Variants in TMC1 observed in about 807,000 individuals in gnomAD.
TMC1 encodes transmembrane channel-like protein 1.
In TMC1, 84 loss-of-function variants were observed where a neutral mutation model predicts 105.8. That is an observed-to-expected ratio of 0.79 (90% confidence interval 0.67 to 0.95). The LOEUF is 0.95. TMC1 is among the 40% of genes least tolerant of loss of function. TMC1 has a pLI of 0.00. For missense variants in TMC1, 817 were observed against 914.1 expected, an observed-to-expected ratio of 0.89 and a Z score of 1.37; for synonymous variants, 315 against 311.5, an observed-to-expected ratio of 1.01 and a Z score of -0.12.
intron 2 of TMC1, among the ~76,000 whole-genome samples, chr9:72,608,300 G>T (rs1241139467): frequency 6.6e-6 from 1 of 152,168 alleles, no homozygotes; most frequent in Non-Finnish European, 1.5e-5. Flanking sequence ...ATATGAAACG[G>T]CTGCTTGGAT....
At chr9:72,745,369 A>C (rs577373822) in intron 10 of TMC1, among the ~76,000 whole-genome samples, 1 of 152,178 alleles carries the variant, frequency 6.6e-6, no homozygotes, top group Admixed American at 6.5e-5. Context: ...TTTCTCCTTT[A>C]GGGAAGGTTT....
rs1425300399 is a variant in TMC1, at chr9:72,791,891, CA to C, written c.1231del (p.Met411TrpfsTer6). ...LGWWEKNEMN[M>X]VMSLLGMFCP... ...TCCCTTGTGCCTCCTTGTAGATGAA[CA>C]TGGTTATGTCCCTCCTAGGGATGTT... On this transcript the variant is annotated frameshift_variant, in exon 16 of 24. Transcript: ENST00000297784. LOFTEE classifies it high-confidence loss of function. The C allele has an allele frequency of 6.2e-7, 1 of 1,612,058 alleles. No individual in the cohort carries two copies. Among genetic ancestry groups the C allele is most frequent in the African/African-American group, 1.3e-5 (1 of 74,894 alleles).
At chr9:72,792,091 T>A in intron 16 of TMC1, 26 bp downstream of exon 16, 1 of 1,613,944 alleles carries the variant, frequency 6.2e-7, no homozygotes, top group South Asian at 1.1e-5. Flanking sequence ...GGATTGTCCT[T>A]GCCATAAGAG....
chr9:72,572,251 C>A (rs909497271), intron 1 of TMC1, among the ~76,000 whole-genome samples: 1 of 151,676 alleles, frequency 6.6e-6, no homozygotes, highest in Non-Finnish European at 1.5e-5. Context: ...GGCTGGAGTG[C>A]AGTGGCGTGA....
chr9:72,756,067 T>A (rs533882937), intron 12 of TMC1, among the ~76,000 whole-genome samples: 1 of 152,166 alleles, frequency 6.6e-6, no homozygotes, highest in Non-Finnish European at 1.5e-5. Flanking sequence ...CATCTCCGAA[T>A]GAACAAAGCA....
chr9:72,733,601 C>T (rs182132455), intron 8 of TMC1, among the ~76,000 whole-genome samples: 124 of 152,200 alleles, frequency 8.1e-4, no homozygotes, highest in Non-Finnish European at 5.0e-4. Context: ...CAAGGCTCCC[C>T]GTGGATTCCT....
At chr9:72,650,899 T>G (rs1467038794) in intron 5 of TMC1, among the ~76,000 whole-genome samples, 1 of 142,920 alleles carries the variant, frequency 7.0e-6, no homozygotes, top group Non-Finnish European at 1.5e-5. Flanking sequence ...TAGATATATA[T>G]ATAAATATAT....
At chr9:72,703,221 G>A (rs1826675719) in intron 8 of TMC1, among the ~76,000 whole-genome samples, 1 of 151,840 alleles carries the variant, frequency 6.6e-6, no homozygotes, top group African/African-American at 2.4e-5. Context: ...CAATCTCCTG[G>A]GAGCAAGGGA....
chr9:72,649,905 T>G (rs1291584218), intron 5 of TMC1, among the ~76,000 whole-genome samples: 2 of 152,236 alleles, frequency 1.3e-5, no homozygotes, highest in African/African-American at 2.4e-5. Context: ...ATAAATCTGC[T>G]CAGGCTATCT....
chr9:72,656,796 C>G (rs532774935), intron 5 of TMC1, among the ~76,000 whole-genome samples: 1 of 152,072 alleles, frequency 6.6e-6, no homozygotes, highest in Non-Finnish European at 1.5e-5. Flanking sequence ...TTCCCCCCTC[C>G]GGGATGCAGA....
intron 12 of TMC1, among the ~76,000 whole-genome samples, chr9:72,766,249 C>T (rs990914839): frequency 1.3e-5 from 2 of 151,692 alleles, no homozygotes; most frequent in African/African-American, 2.4e-5. Context: ...AACCCCGTCT[C>T]TACTAAAAAT....
At chr9:72,672,380 A>G (rs1360159989) in intron 5 of TMC1, among the ~76,000 whole-genome samples, 2 of 152,076 alleles carry the variant, frequency 1.3e-5, no homozygotes, top group Non-Finnish European at 2.9e-5. Flanking sequence ...AATTAATTCA[A>G]TCTGCAAAAA....
intron 12 of TMC1, among the ~76,000 whole-genome samples, chr9:72,758,660 A>C (rs1827708592): frequency 6.6e-6 from 1 of 152,218 alleles, no homozygotes; most frequent in South Asian, 2.1e-4. Flanking sequence ...GAGATGTCCT[A>C]GAATTGGACA....
intron 1 of TMC1, among the ~76,000 whole-genome samples, chr9:72,535,260 A>G (rs1000270631): frequency 2.0e-5 from 3 of 152,192 alleles, no homozygotes; most frequent in Non-Finnish European, 2.9e-5. Flanking sequence ...CTTCTAAACT[A>G]TTAGGATTGC....
chr9:72,632,663 G>T (rs931202804), intron 4 of TMC1, among the ~76,000 whole-genome samples: 13 of 152,006 alleles, frequency 8.6e-5, no homozygotes, highest in African/African-American at 3.1e-4. Context: ...CATTGAAAAT[G>T]ATCAAAGTAT....
chr9:72,757,536 A>G (rs1827692749), intron 12 of TMC1, among the ~76,000 whole-genome samples: 1 of 152,238 alleles, frequency 6.6e-6, no homozygotes, highest in Non-Finnish European at 1.5e-5. Context: ...TTCCGTATAC[A>G]TAATGAGATA....
intron 12 of TMC1, among the ~76,000 whole-genome samples, chr9:72,764,036 T>C (rs573350263): frequency 8.8e-4 from 134 of 152,246 alleles, no homozygotes; most frequent in South Asian, 6.0e-3. Flanking sequence ...AGCCATTGAG[T>C]TAGGTTAGAA....
At chr9:72,622,188 G>A (rs899327808) in intron 3 of TMC1, among the ~76,000 whole-genome samples, 1 of 152,128 alleles carries the variant, frequency 6.6e-6, no homozygotes, top group Admixed American at 6.6e-5. Context: ...AGTAACTTCA[G>A]CCTGTCCATA....
chr9:72,805,950 A>T (rs1232719186), intron 18 of TMC1, among the ~76,000 whole-genome samples: 1 of 152,138 alleles, frequency 6.6e-6, no homozygotes, highest in Non-Finnish European at 1.5e-5. Flanking sequence ...ACTTCTTTCT[A>T]CACAGACACG....
Sources: gnomAD v4.1 joint callset for allele counts (sites outside exome capture counted in the v4.1 genomes callset) on GRCh38, gnomAD v4.1.1 for gene constraint, MANE v1.5 for transcripts, NCBI Gene and HGNC (gene_info 2026-07-23, HGNC 2026-07-21) for gene names.